The following PRKCSH variants were observed in gnomAD, a reference collection of about 807,000 sequenced individuals.
PRKCSH encodes the protein PRKCSH beta subunit of glucosidase II.
PRKCSH carries 42 observed loss-of-function variants against 79.7 expected under a neutral mutation model. The observed-to-expected ratio is 0.53, with a 90% CI of 0.41 to 0.68. The LOEUF (loss-of-function observed/expected upper bound fraction) is 0.68, where lower values mean the gene tolerates loss of function less well. PRKCSH is among the 30% of genes least tolerant of loss of function. PRKCSH has a pLI of 0.00. For synonymous variants in PRKCSH, 325 were observed against 288.2 expected (o/e 1.13, Z -1.29); for missense variants, 686 against 709.0 (o/e 0.97, Z 0.37).
chr19:11,447,015 T>C lies in PRKCSH; in HGVS notation c.763-59T>C. The C allele has an allele frequency of 6.4e-7, 1 of 1,571,304 alleles. No homozygotes were observed. Among genetic ancestry groups the C allele is most frequent in the Non-Finnish European group, 8.8e-7 (1 of 1,141,724 alleles). On this transcript the variant is annotated intron_variant, in intron 9 of 17. Transcript: ENST00000677123. This position sits in a 1 kb window ranked among gnomAD's most constrained non-coding sequence, Gnocchi z 5.6. The stretch of plus-strand genomic sequence containing the variant: ...TGGCACCGCAGCCCGGGTGCCGGGG[T>C]GGCCGAGATGGGGGACACGTGGTGG...
chr19:11,435,866 TGAGATCCTC>T (rs1234826049), intron 1 of PRKCSH, 160 bp downstream of exon 1: 1 of 1,057,228 alleles, frequency 9.5e-7, no homozygotes, highest in Non-Finnish European at 1.4e-6. Context: ...TTTGAGATCT[TGAGATCCTC>T]GCCATTGATT....
chr19:11,442,314 G>T lies in PRKCSH; in HGVS notation c.469-72G>T. On this transcript the variant is annotated intron_variant, in intron 6 of 17. Transcript: ENST00000677123. ...CTCCCTGCTGCCCTGTGGAGTAGAG[G>T]CAGGGAGGTAGTAGTCAATGAGGAG... The T allele has an allele frequency of 2.0e-6, 3 of 1,524,548 alleles. No individual in the cohort carries two copies. In the East Asian group the frequency reaches 7.5e-5, roughly 38 times the overall value. 94.4% of individuals were successfully genotyped at this position (1,524,548 alleles called of 1,614,324 possible).
At chr19:11,438,989 C>G (rs1969918496) in intron 5 of PRKCSH, among the ~76,000 whole-genome samples, 2 of 151,820 alleles carry the variant, frequency 1.3e-5, no homozygotes, top group Non-Finnish European at 2.9e-5. Context: ...CTCACTGCAA[C>G]CTCTGCCCTT....
intron 3 of PRKCSH, among the ~76,000 whole-genome samples, chr19:11,436,917 G>T (rs567814793): frequency 3.3e-5 from 5 of 152,210 alleles, no homozygotes; most frequent in Non-Finnish European, 7.3e-5. Flanking sequence ...GAGTACAGTG[G>T]CATGATCGTA....
At chr19:11,438,213 T>G in intron 5 of PRKCSH, 89 bp downstream of exon 5, 1 of 1,419,756 alleles carries the variant, frequency 7.0e-7, no homozygotes. Context: ...TCTCTTCTGC[T>G]TTTCTGTATC....
chr19:11,444,993 C>T (rs930124056), intron 7 of PRKCSH, among the ~76,000 whole-genome samples: 2 of 152,184 alleles, frequency 1.3e-5, no homozygotes, highest in Admixed American at 1.3e-4. Context: ...CTGCTCCGTG[C>T]TTCTTCCTCA....
rs1406834380 is a variant in PRKCSH at position 11,436,440 on chromosome 19, C to T, written c.131C>T (p.Ala44Val). The T allele has an allele frequency of 8.7e-6, 14 of 1,614,068 alleles. No individual in the cohort carries two copies. Among genetic ancestry groups the T allele is most frequent in the Non-Finnish European group, 1.1e-5 (13 of 1,180,038 alleles). The change falls in exon 3 of 18, where the codon GCC becomes GTC. Residue 44 changes from alanine to valine, a missense_variant. Ala to Val is a moderately conservative substitution (Grantham distance 64, BLOSUM62 0). Around this residue, in one of 2 missense-constraint regions of PRKCSH, gnomAD observed 549 missense variants for 520.2 expected, o/e 1.06. Coordinates refer to ENST00000677123, the MANE Select transcript of PRKCSH (RefSeq NM_001289104.2). ...CCTTTCACCTGCCTGGACGGTTCGG[C>T]CACCATCCCATTTGATCAGGTCAAC... is the stretch of plus-strand genomic sequence containing the variant. The part of the protein sequence containing the change: ...SKPFTCLDGS[A>V]TIPFDQVNDD...
Position 11,449,239 on chromosome 19 carries a change from C to G in PRKCSH, c.1462-27C>G, listed in dbSNP as rs1200264619. ...CCCAGGCCTGGCCCAGCCGAACCCT[C>G]TCGAGCACCCGTCTGCCCATCCCCA... On this transcript the variant is annotated intron_variant, in intron 16 of 17. Transcript: ENST00000677123. This position sits in a 1 kb window ranked among gnomAD's most constrained non-coding sequence, Gnocchi z 6.4. 7 of 1,613,562 alleles carry G rather than the reference C, an allele frequency of 4.3e-6. No homozygotes were observed. Among genetic ancestry groups the G allele is most frequent in the Non-Finnish European group, 5.9e-6 (7 of 1,179,952 alleles).
chr19:11,439,671 A>T (rs1285132869), intron 5 of PRKCSH, among the ~76,000 whole-genome samples: 1 of 120,232 alleles, frequency 8.3e-6, no homozygotes, highest in Non-Finnish European at 1.6e-5. Context: ...GGCTGGATGG[A>T]GTGCAGTGGC....
intron 7 of PRKCSH, among the ~76,000 whole-genome samples, chr19:11,443,304 T>C (rs147379800): frequency 6.6e-6 from 1 of 151,938 alleles, no homozygotes; most frequent in Non-Finnish European, 1.5e-5. Flanking sequence ...TCCCAGCACT[T>C]TGGGAGGCTG....
chr19:11,445,024 C>G (rs1970229275), intron 7 of PRKCSH, among the ~76,000 whole-genome samples: 1 of 152,194 alleles, frequency 6.6e-6, no homozygotes, highest in African/African-American at 2.4e-5. Context: ...TGGGCCAGCC[C>G]TTGTTATCAC....
chr19:11,444,614 G>C (rs889567667), intron 7 of PRKCSH, among the ~76,000 whole-genome samples: 2 of 152,186 alleles, frequency 1.3e-5, no homozygotes, highest in Non-Finnish European at 2.9e-5. Flanking sequence ...ACTGAATCCT[G>C]GTATACAGTA....
rs567189357 is a variant in PRKCSH, at chr19:11,436,585, C to G, written c.196+80C>G. The G allele has an allele frequency of 2.6e-5, 30 of 1,148,750 alleles. No homozygotes were observed. In the East Asian group the frequency reaches 7.7e-4, roughly 29 times the overall value. The allele number at this position is 1,148,750 out of a possible 1,614,324, so 71.2% of individuals were successfully genotyped here. A position where few individuals can be genotyped will look rare whatever the true frequency, so the allele number is the denominator to read the frequency against. On this transcript the variant is annotated intron_variant, in intron 3 of 17. Transcript: ENST00000677123. ...AGGCCCTGTCTGTGTGACCAAGATA[C>G]TACCTCTGCTGGCTCCCCTTTGAGT... is the stretch of plus-strand genomic sequence containing the variant.
chr19:11,441,039 G>A (rs1970039667), intron 5 of PRKCSH: 3 of 595,388 alleles, frequency 5.0e-6, no homozygotes, highest in South Asian at 3.4e-5. Flanking sequence ...GACCCCAGGG[G>A]CTTACAGAAC....
At position 11,446,566 on chromosome 19, in the gene PRKCSH, C is replaced by T. The variant is rs138247117; in HGVS notation, c.762+216C>T. Reference sequence around the variant, plus strand: ...GCCCGTTTCCCCGCACCTGCCCCCACTCTACCCGCTGTTGAGCACCCAATC... The same window carrying T: ...GCCCGTTTCCCCGCACCTGCCCCCATTCTACCCGCTGTTGAGCACCCAATC... On this transcript the variant is annotated intron_variant, in intron 9 of 17. Transcript: ENST00000677123. Among the ~76,000 whole-genome samples the T allele has an allele frequency of 5.2e-3, 794 of 151,898 alleles. 4 individuals carry two copies. Among genetic ancestry groups the T allele is most frequent in the African/African-American group, 0.018 (754 of 41,388 alleles).
intron 3 of PRKCSH, chr19:11,436,795 A>T (rs1267443851): frequency 1.9e-5 from 8 of 421,722 alleles, no homozygotes; most frequent in Non-Finnish European, 3.6e-5. Context: ...TAGAAGTGGG[A>T]GACAGGGTGG....
Position 11,447,069 on chromosome 19 carries a change from C to T in PRKCSH, c.763-5C>T, listed in dbSNP as rs377653060. On this transcript the variant is annotated splice_polypyrimidine_tract_variant and splice_region_variant and intron_variant, in intron 9 of 17. Coordinates refer to ENST00000677123, the MANE Select transcript of PRKCSH (RefSeq NM_001289104.2). The surrounding 1 kb of genome is among the most constrained non-coding windows in gnomAD (Gnocchi z 5.6). Reference sequence around the variant, plus strand: ...AGATCTTGACACCACCCCCAACACACACAGGCCCTCCTCAGTGGGGACACA... The same window carrying T: ...AGATCTTGACACCACCCCCAACACATACAGGCCCTCCTCAGTGGGGACACA... The T allele has an allele frequency of 1.4e-5, 22 of 1,613,782 alleles. No individual in the cohort carries two copies. Among genetic ancestry groups the T allele is most frequent in the Middle Eastern group, 1.6e-4 (1 of 6,082 alleles).
chr19:11,436,204 C>A lies in PRKCSH; in HGVS notation c.79+8C>A. 3.4e-6 allele frequency: 5 copies of A among 1,474,832 alleles called. No individual in the cohort carries two copies. The highest frequency in any genetic ancestry group is 4.6e-6 in the Non-Finnish European group (5 of 1,077,084). 91.4% of individuals were successfully genotyped at this position (1,474,832 alleles called of 1,614,324 possible). ...GGGGCGTCTCCCTCACCAGTGAGTC[C>A]TCCTGTTCACCCTCCCGCCAGGCTG... On this transcript the variant is annotated splice_region_variant and intron_variant, in intron 2 of 17. Transcript: ENST00000677123.
chr19:11,441,232 C>A lies in PRKCSH; in HGVS notation c.351-8C>A. 1 of 1,613,762 alleles carries A rather than the reference C, an allele frequency of 6.2e-7. No individual in the cohort carries two copies. The highest frequency in any genetic ancestry group is 8.5e-7 in the Non-Finnish European group (1 of 1,179,736). On this transcript the variant is annotated splice_region_variant and splice_polypyrimidine_tract_variant and intron_variant, in intron 5 of 17. Transcript: ENST00000677123. ...CACTGGTGGTGCCTGTGTGTCTCCGCACCGCAGAGAGAAGGGCCGTAAGGA... is the reference window on the plus strand; with the variant it reads ...CACTGGTGGTGCCTGTGTGTCTCCGAACCGCAGAGAGAAGGGCCGTAAGGA...
Sources: allele counts gnomAD v4.1 joint callset (sites outside exome capture counted in the v4.1 genomes callset), GRCh38; gene constraint gnomAD v4.1.1; regional missense constraint gnomAD v4.1.1; non-coding constraint Gnocchi (gnomAD v3.1); transcripts MANE v1.5; gene names NCBI Gene and HGNC (gene_info 2026-07-23, HGNC 2026-07-21).